MAP3K5: variants seen among roughly 807,000 people sequenced by gnomAD.
The protein encoded by MAP3K5 is mitogen-activated protein kinase kinase kinase 5.
MAP3K5 carries 56 observed loss-of-function variants against 158.7 expected under a neutral mutation model. That is an observed-to-expected ratio of 0.35 (90% confidence interval 0.28 to 0.44). The LOEUF (loss-of-function observed/expected upper bound fraction) is 0.44. MAP3K5 is among the 20% of genes least tolerant of loss of function. MAP3K5 has a pLI of 1.00. For synonymous variants in MAP3K5, 579 were observed against 601.7 expected, an observed-to-expected ratio of 0.96 and a Z score of 0.55; for missense variants, 1,294 against 1,674.8, an observed-to-expected ratio of 0.77 and a Z score of 3.97.
chr6:136,704,489 C>T (rs1780986910), intron 3 of MAP3K5, among the ~76,000 whole-genome samples: 1 of 152,144 alleles, frequency 6.6e-6, no homozygotes, highest in African/African-American at 2.4e-5. Context: ...TGGATATAGG[C>T]TGCTTTAGTG....
chr6:136,605,429 GTTTTTCAACAGAA>G (rs1776061070), intron 18 of MAP3K5, 63 bp from the exon 19 acceptor site: 6 of 1,381,124 alleles, frequency 4.3e-6, no homozygotes, highest in Non-Finnish European at 4.9e-6. Flanking sequence ...TCTAATGACA[GTTTTTCAACAGAA>G]TTTTTCAACA....
intron 1 of MAP3K5, among the ~76,000 whole-genome samples, chr6:136,728,187 TC>T (rs1314935762): frequency 6.6e-6 from 1 of 152,188 alleles, no homozygotes; most frequent in Non-Finnish European, 1.5e-5. Context: ...ATTTTGGTCA[TC>T]GAATGGCAGT....
At chr6:136,646,999 G>A (rs1469404363) in intron 11 of MAP3K5, among the ~76,000 whole-genome samples, 1 of 152,248 alleles carries the variant, frequency 6.6e-6, no homozygotes, top group African/African-American at 2.4e-5. Context: ...CAAAACTTGA[G>A]TCACCTTACA....
chr6:136,716,059 A>AAAAAAAAAAAAAAAAC (rs1781512369), intron 2 of MAP3K5, among the ~76,000 whole-genome samples: 1 of 144,250 alleles, frequency 6.9e-6, no homozygotes, highest in Non-Finnish European at 1.5e-5. Context: ...AAAAAAAAAA[A>AAAAAAAAAAAAAAAAC]AAAAAAATTA....
chr6:136,771,776 G>A (rs1176176727), intron 1 of MAP3K5, among the ~76,000 whole-genome samples: 1 of 152,052 alleles, frequency 6.6e-6, no homozygotes, highest in Non-Finnish European at 1.5e-5. Flanking sequence ...TCCACTTTGG[G>A]TCTCGCCTAC....
chr6:136,606,075 G>A (rs903819882), intron 18 of MAP3K5, among the ~76,000 whole-genome samples: 2 of 152,166 alleles, frequency 1.3e-5, no homozygotes, highest in Non-Finnish European at 2.9e-5. Flanking sequence ...AGTGAAGGCC[G>A]GGTGCGGTGG....
chr6:136,639,371 C>T (rs1006666952), intron 13 of MAP3K5, among the ~76,000 whole-genome samples, 172 bp downstream of exon 13: 16 of 151,346 alleles, frequency 1.1e-4, no homozygotes, highest in African/African-American at 3.7e-4. Context: ...AAAGAAAACC[C>T]CCCCCCAAAA....
At chr6:136,657,882 G>A (rs1408626056) in intron 9 of MAP3K5, among the ~76,000 whole-genome samples, 1 of 152,220 alleles carries the variant, frequency 6.6e-6, no homozygotes, top group Non-Finnish European at 1.5e-5. Context: ...AGTGTGACAA[G>A]AGCCGAGGCT....
At chr6:136,663,730 C>T (rs1562592000) in intron 8 of MAP3K5, among the ~76,000 whole-genome samples, 1 of 151,360 alleles carries the variant, frequency 6.6e-6, no homozygotes, top group Non-Finnish European at 1.5e-5. Context: ...CTGTCTCAGT[C>T]TCCCAAGTAG....
chr6:136,771,828 T>C (rs1042750187), intron 1 of MAP3K5, among the ~76,000 whole-genome samples: 2 of 152,210 alleles, frequency 1.3e-5, no homozygotes, highest in Non-Finnish European at 2.9e-5. Context: ...TTTTAAAATA[T>C]GTTCTTTTTT....
chr6:136,598,089 T>C (rs1210999953), intron 21 of MAP3K5, among the ~76,000 whole-genome samples: 1 of 152,216 alleles, frequency 6.6e-6, no homozygotes, highest in Non-Finnish European at 1.5e-5. Flanking sequence ...TAACATTTCA[T>C]AAGGAGCCCT....
chr6:136,629,528 C>T (rs983683317), intron 14 of MAP3K5, among the ~76,000 whole-genome samples: 9 of 151,080 alleles, frequency 6.0e-5, no homozygotes, highest in South Asian at 4.2e-4. Context: ...AATCTCAGCT[C>T]GCTGCAAGCT....
At chr6:136,790,297 C>T (rs550244885) in intron 1 of MAP3K5, among the ~76,000 whole-genome samples, 7 of 152,146 alleles carry the variant, frequency 4.6e-5, no homozygotes, top group South Asian at 2.1e-4. Context: ...AGGAAAAAAA[C>T]GCCCAATCAG....
In MAP3K5 at chr6:136,567,633, A is replaced by G. The variant is rs747129009; in HGVS notation, c.3759T>C (p.Asn1253=). The G allele has an allele frequency of 1.2e-6, 2 of 1,613,388 alleles. No homozygotes were observed. Among genetic ancestry groups the G allele is most frequent in the Non-Finnish European group, 1.7e-6 (2 of 1,179,532 alleles). The change falls in exon 26 of 30, where the codon AAT becomes AAC. Residue 1253 remains asparagine (N), a splice_region_variant and synonymous_variant. Transcript: ENST00000359015. ...ACCCACGTCAGTGTAGGACTTACCT[A>G]TTGGTTTCTATTTTCATCCTTCCAA... is the stretch of plus-strand genomic sequence containing the variant. The part of the protein sequence containing the change: ...VQLGRMKIET[N]RLLEELVRKE...
chr6:136,700,791 G>A (rs973003047), intron 3 of MAP3K5, among the ~76,000 whole-genome samples: 4 of 152,126 alleles, frequency 2.6e-5, no homozygotes, highest in Admixed American at 6.5e-5. Context: ...AAAGAAGTGG[G>A]AGAGACCTCT....
chr6:136,609,494 T>C lies in MAP3K5; in HGVS notation c.2521+1788A>G, dbSNP rs1202139610. ...GTAAAAGCAAAGAGCAAACAGTAGA[T>C]ACAAAATCTGAGTTCTGGCTAGGCG... On this transcript the variant is annotated intron_variant, in intron 18 of 29. Transcript: ENST00000359015. This position sits in a 1 kb window ranked among gnomAD's most constrained non-coding sequence, Gnocchi z 4.4. Among the ~76,000 whole-genome samples, 2 of 151,926 alleles carry C rather than the reference T, an allele frequency of 1.3e-5. No homozygotes were observed. The highest frequency in any genetic ancestry group is 4.8e-5 in the African/African-American group (2 of 41,330).
chr6:136,757,485 C>G (rs1372184343), intron 1 of MAP3K5, among the ~76,000 whole-genome samples: 1 of 151,856 alleles, frequency 6.6e-6, no homozygotes, highest in East Asian at 1.9e-4. Flanking sequence ...TAATAATTAG[C>G]AAGATTCCTT....
intron 2 of MAP3K5, among the ~76,000 whole-genome samples, chr6:136,716,211 A>T (rs945745497): frequency 1.3e-5 from 2 of 152,006 alleles, no homozygotes; most frequent in African/African-American, 2.4e-5. Flanking sequence ...GGAATGACTA[A>T]GTCTTGGTGA....
chr6:136,637,171 T>A (rs183741758), intron 14 of MAP3K5, 154 bp downstream of exon 14: 3 of 1,339,018 alleles, frequency 2.2e-6, no homozygotes, highest in Non-Finnish European at 9.9e-7. Flanking sequence ...TAGCCCCTTT[T>A]TACCAAAGGA....
Sources: gnomAD v4.1 joint callset for allele counts (sites outside exome capture counted in the v4.1 genomes callset) on GRCh38, gnomAD v4.1.1 for gene constraint, Gnocchi (gnomAD v3.1) non-coding constraint, MANE v1.5 for transcripts, NCBI Gene and HGNC (gene_info 2026-07-23, HGNC 2026-07-21) for gene names.